The following NELL2 variants were observed in gnomAD, a reference collection of about 807,000 sequenced individuals.
NELL2 encodes neural EGFL like 2.
A neutral mutation model predicts 109.6 loss-of-function variants in NELL2; 41 were observed. That is an observed-to-expected ratio of 0.37 (90% confidence interval 0.29 to 0.49). The LOEUF is 0.49. NELL2 is among the 20% of genes least tolerant of loss of function. The pLI is 0.98. For synonymous variants in NELL2, 355 were observed against 344.7 expected, an observed-to-expected ratio of 1.03 and a Z score of -0.33; for missense variants, 900 against 1,008.3, an observed-to-expected ratio of 0.89 and a Z score of 1.45.
At chr12:44,666,939 A>G (rs1445857671) in intron 12 of NELL2, among the ~76,000 whole-genome samples, 2 of 152,102 alleles carry the variant, frequency 1.3e-5, no homozygotes, top group East Asian at 1.9e-4. Context: ...TATAACTGCT[A>G]TACCTTCTCT....
intron 14 of NELL2, 55 bp from the exon 15 acceptor site, chr12:44,607,319 A>C: frequency 7.3e-7 from 1 of 1,378,556 alleles, no homozygotes; most frequent in Non-Finnish European, 1.0e-6. Flanking sequence ...AGTTTAATAA[A>C]CTCCAAACCT....
intron 15 of NELL2, among the ~76,000 whole-genome samples, chr12:44,573,562 G>A (rs190560358): frequency 1.3e-3 from 202 of 152,298 alleles, no homozygotes; most frequent in African/African-American, 4.6e-3. Flanking sequence ...CAATAAATTT[G>A]AAGACCAAAA....
intron 2 of NELL2, among the ~76,000 whole-genome samples, chr12:44,848,516 C>A (rs1944440504): frequency 6.6e-6 from 1 of 152,178 alleles, no homozygotes; most frequent in African/African-American, 2.4e-5. Flanking sequence ...AACACACAGA[C>A]AAACACAGGA....
At chr12:44,865,826 T>TAAAAAA (rs71435994) in intron 2 of NELL2, among the ~76,000 whole-genome samples, 47 of 142,538 alleles carry the variant, frequency 3.3e-4, no homozygotes, top group African/African-American at 4.7e-4. Flanking sequence ...AAAAAAAAAT[T>TAAAAAA]AAAAAAAAAA....
At chr12:44,564,466 G>T (rs930993451) in intron 15 of NELL2, among the ~76,000 whole-genome samples, 1 of 152,144 alleles carries the variant, frequency 6.6e-6, no homozygotes, top group Non-Finnish European at 1.5e-5. Context: ...AGAAAGTGTA[G>T]CATTTGACTA....
chr12:44,643,424 C>A (rs983398188), intron 13 of NELL2, among the ~76,000 whole-genome samples: 1 of 151,764 alleles, frequency 6.6e-6, no homozygotes, highest in Non-Finnish European at 1.5e-5. Context: ...TACAAAGGTA[C>A]GTAGGCATTG....
chr12:44,640,913 A>G (rs1284602073), intron 13 of NELL2, among the ~76,000 whole-genome samples: 1 of 152,198 alleles, frequency 6.6e-6, no homozygotes, highest in East Asian at 1.9e-4. Context: ...TGAACCAGTT[A>G]AGAGCAACAG....
intron 15 of NELL2, among the ~76,000 whole-genome samples, chr12:44,600,503 C>T (rs563439426): frequency 1.8e-4 from 28 of 152,206 alleles, no homozygotes; most frequent in African/African-American, 6.5e-4. Flanking sequence ...TTTATGCCTC[C>T]CCCGATTATA....
At chr12:44,624,541 A>G (rs1946168124) in intron 13 of NELL2, among the ~76,000 whole-genome samples, 2 of 151,992 alleles carry the variant, frequency 1.3e-5, no homozygotes, top group South Asian at 4.2e-4. Flanking sequence ...CAACTGGCAA[A>G]TAGGTGTTAT....
intron 15 of NELL2, among the ~76,000 whole-genome samples, chr12:44,604,115 C>T (rs1945312789): frequency 6.6e-6 from 1 of 151,774 alleles, no homozygotes. Flanking sequence ...AAGGCAGAGA[C>T]CTGATGAAGG....
At chr12:44,736,503 C>A (rs1388169697) in intron 9 of NELL2, among the ~76,000 whole-genome samples, 2 of 151,704 alleles carry the variant, frequency 1.3e-5, no homozygotes, top group Non-Finnish European at 1.5e-5. Context: ...GTATAATTGA[C>A]CTTGCTTAAT....
Position 44,598,696 on chromosome 12 carries a change from G to C in NELL2, c.1663+8473C>G, listed in dbSNP as rs1945067515. On this transcript the variant is annotated intron_variant, in intron 15 of 19. Coordinates refer to ENST00000429094, the MANE Select transcript of NELL2 (RefSeq NM_001145108.2). ...TTATAACTGACCTCATTGAAAAAAT[G>C]AAAATTCCTATGTGGCATAAGAAGC... 3.3e-5 allele frequency among the ~76,000 whole-genome samples: 5 copies of C among 152,162 alleles called. No homozygotes were observed. The South Asian group carries it at 8.3e-4, about 25-fold the overall frequency.
chr12:44,658,876 CCAAAAAAAAAAAAA>C (rs1480300143), intron 13 of NELL2, among the ~76,000 whole-genome samples: 1 of 97,616 alleles, frequency 1.0e-5, no homozygotes, highest in African/African-American at 4.2e-5. Context: ...GACTCTGTCT[CCAAAAAAAAAAAAA>C]AAAAAAAAAG....
chr12:44,858,949 A>AAAC (rs1026736598), intron 2 of NELL2, among the ~76,000 whole-genome samples: 1 of 152,190 alleles, frequency 6.6e-6, no homozygotes, highest in South Asian at 2.1e-4. Flanking sequence ...TTGCAAACAC[A>AAAC]AACAACAACA....
At chr12:44,786,511 C>A (rs1381342235) in intron 3 of NELL2, among the ~76,000 whole-genome samples, 3 of 152,112 alleles carry the variant, frequency 2.0e-5, no homozygotes, top group African/African-American at 4.8e-5. Context: ...TTTGACACAG[C>A]AATCCCATTA....
chr12:44,523,666 G>C (rs1941640243), intron 16 of NELL2, 182 bp from the exon 17 acceptor site: 1 of 584,468 alleles, frequency 1.7e-6, no homozygotes, highest in South Asian at 2.2e-5. Context: ...GATTTCACAG[G>C]AAAATATTAT....
chr12:44,596,841 T>C (rs953409766), intron 15 of NELL2, among the ~76,000 whole-genome samples: 2 of 152,200 alleles, frequency 1.3e-5, no homozygotes, highest in Non-Finnish European at 2.9e-5. Flanking sequence ...CCTAGATTTA[T>C]AGCCAGAGAG....
intron 15 of NELL2, among the ~76,000 whole-genome samples, chr12:44,581,624 T>C (rs918826436): frequency 2.0e-5 from 3 of 147,060 alleles, no homozygotes; most frequent in Admixed American, 6.7e-5. Flanking sequence ...TTTATATAGG[T>C]TGGTTAAAAG....
chr12:44,705,867 G>C (rs1336451615), intron 11 of NELL2, among the ~76,000 whole-genome samples: 1 of 152,132 alleles, frequency 6.6e-6, no homozygotes, highest in Non-Finnish European at 1.5e-5. Context: ...ACTAAGAACG[G>C]ATACCATTTC....
Sources: allele counts gnomAD v4.1 joint callset (sites outside exome capture counted in the v4.1 genomes callset), GRCh38; gene constraint gnomAD v4.1.1; transcripts MANE v1.5; gene names NCBI Gene and HGNC (gene_info 2026-07-23, HGNC 2026-07-21).